The following UST variants were observed in gnomAD, a reference collection of about 807,000 sequenced individuals.
UST encodes the protein chondroitin sulfate 2-O-sulfotransferase.
UST carries 21 observed loss-of-function variants against 45.6 expected under a neutral mutation model. The observed-to-expected ratio is 0.46, with a 90% CI of 0.33 to 0.66. UST has a LOEUF of 0.66. UST is among the 30% of genes least tolerant of loss of function. The pLI is 0.02. For missense variants in UST, 463 were observed against 512.4 expected (o/e 0.90, Z 0.93); for synonymous variants, 215 against 200.6 (o/e 1.07, Z -0.61).
chr6:148,816,711 G>A (rs1449752302), intron 1 of UST, among the ~76,000 whole-genome samples: 1 of 152,176 alleles, frequency 6.6e-6, no homozygotes, highest in African/African-American at 2.4e-5. Context: ...CCAAAGCTGA[G>A]TTTAAATGGC....
intron 1 of UST, among the ~76,000 whole-genome samples, chr6:148,854,307 T>C (rs749144354): frequency 7.9e-5 from 12 of 152,338 alleles, no homozygotes; most frequent in Admixed American, 1.3e-4. Context: ...AATGTGGACA[T>C]GATTCTGAAT....
At chr6:148,754,977 T>G (rs1776067535) in intron 1 of UST, among the ~76,000 whole-genome samples, 1 of 152,228 alleles carries the variant, frequency 6.6e-6, no homozygotes, top group Non-Finnish European at 1.5e-5. Flanking sequence ...GGTATGATAA[T>G]TCATGGATAG....
chr6:148,763,540 T>C (rs555385000), intron 1 of UST, among the ~76,000 whole-genome samples: 1 of 152,290 alleles, frequency 6.6e-6, no homozygotes, highest in East Asian at 1.9e-4. Flanking sequence ...ATTTTTGTTT[T>C]TGTTGCATTG....
chr6:148,907,567 C>T lies in UST; in HGVS notation c.291+20538C>T, dbSNP rs139505056. Among the ~76,000 whole-genome samples, 314 of 152,216 alleles carry T rather than the reference C, an allele frequency of 2.1e-3. 1 individual carries two copies. The highest frequency in any genetic ancestry group is 7.4e-3 in the African/African-American group (308 of 41,536). On this transcript the variant is annotated intron_variant, in intron 2 of 7. Coordinates refer to ENST00000367463, the MANE Select transcript of UST (RefSeq NM_005715.3). ...GATGATTGTAGGAACAATTACTTTA[C>T]AAAAGAGAACCACCTCATTTCAAGG...
At chr6:149,040,941 G>A (rs182745235) in intron 7 of UST, among the ~76,000 whole-genome samples, 26 of 152,288 alleles carry the variant, frequency 1.7e-4, no homozygotes, top group African/African-American at 6.0e-4. Context: ...AATGGATTGC[G>A]TGACATCCTC....
In UST at chr6:148,790,828, T is replaced by C. The variant is rs192904348; in HGVS notation, c.247+43151T>C. Among the ~76,000 whole-genome samples the C allele has an allele frequency of 3.3e-5, 5 of 152,358 alleles. No homozygotes were observed. Among genetic ancestry groups the C allele is most frequent in the Admixed American group, 3.3e-4 (5 of 15,308 alleles). On this transcript the variant is annotated intron_variant, in intron 1 of 7. Coordinates refer to ENST00000367463, the MANE Select transcript of UST (RefSeq NM_005715.3). This position sits in a 1 kb window ranked among gnomAD's most constrained non-coding sequence, Gnocchi z 4.2. Reference sequence around the variant, plus strand: ...TGGGCCATCCCAGTTCCAGAGCTCCTGTGGGACAGGCTGAGCTCCGTTGCA... The same window carrying C: ...TGGGCCATCCCAGTTCCAGAGCTCCCGTGGGACAGGCTGAGCTCCGTTGCA...
intron 1 of UST, among the ~76,000 whole-genome samples, chr6:148,860,863 A>G (rs1045029207): frequency 6.6e-6 from 1 of 152,194 alleles, no homozygotes; most frequent in Non-Finnish European, 1.5e-5. Context: ...ATCATAGTGG[A>G]TAAGCTTTTT....
intron 7 of UST, among the ~76,000 whole-genome samples, chr6:149,034,547 C>T (rs1036987055): frequency 6.6e-6 from 1 of 152,338 alleles, no homozygotes; most frequent in South Asian, 2.1e-4. Context: ...GAGGCCCTCT[C>T]CTCTTTCCAC....
chr6:148,757,950 G>A (rs1776127777), intron 1 of UST, among the ~76,000 whole-genome samples: 1 of 152,332 alleles, frequency 6.6e-6, no homozygotes, highest in East Asian at 1.9e-4. Context: ...CTGAACCTCT[G>A]ATGTTTTGAT....
intron 1 of UST, among the ~76,000 whole-genome samples, chr6:148,835,334 G>T (rs1420172720): frequency 7.2e-5 from 11 of 152,136 alleles, no homozygotes; most frequent in Admixed American, 7.2e-4. Context: ...TTAGATTTTG[G>T]TGTCTGTGGG....
In UST at chr6:148,798,242, G is replaced by A. The variant is rs189728154; in HGVS notation, c.247+50565G>A. Among the ~76,000 whole-genome samples the A allele has an allele frequency of 2.6e-5, 4 of 152,320 alleles. No homozygotes were observed. In the East Asian group the frequency reaches 7.7e-4, roughly 29 times the overall value. ...GACTCAGGGTGAGTCTAACCACACA[G>A]CTCAGCTTTGAGCTTCCCTCAGAGC... On this transcript the variant is annotated intron_variant, in intron 1 of 7. Transcript: ENST00000367463.
intron 7 of UST, among the ~76,000 whole-genome samples, chr6:149,054,710 T>G (rs1776537244): frequency 6.6e-6 from 1 of 152,204 alleles, no homozygotes; most frequent in South Asian, 2.1e-4. Flanking sequence ...GGCAAAAGTG[T>G]GAAACTTTGC....
intron 5 of UST, among the ~76,000 whole-genome samples, chr6:148,978,754 A>G (rs1781072596): frequency 1.3e-5 from 2 of 152,160 alleles, no homozygotes; most frequent in Non-Finnish European, 2.9e-5. Context: ...ACAGGTTGAT[A>G]GTTGCAGCAA....
intron 1 of UST, among the ~76,000 whole-genome samples, chr6:148,882,851 T>C (rs1778848747): frequency 6.6e-6 from 1 of 152,130 alleles, no homozygotes; most frequent in Non-Finnish European, 1.5e-5. Flanking sequence ...TACAATCCAG[T>C]GGCAAAAAAT....
At chr6:149,000,397 TC>T (rs1781524994) in intron 5 of UST, among the ~76,000 whole-genome samples, 2 of 151,166 alleles carry the variant, frequency 1.3e-5, no homozygotes, top group South Asian at 4.2e-4. Flanking sequence ...GACCCGGGAG[TC>T]CGGATGGTAG....
intron 7 of UST, among the ~76,000 whole-genome samples, chr6:149,025,828 T>C (rs1349843448): frequency 6.6e-6 from 1 of 151,608 alleles, no homozygotes; most frequent in African/African-American, 2.4e-5. Flanking sequence ...CTGAGCAACA[T>C]AGCAAAAGCT....
intron 1 of UST, among the ~76,000 whole-genome samples, chr6:148,841,727 GTC>G (rs1168713323): frequency 1.3e-5 from 2 of 152,080 alleles, no homozygotes; most frequent in Non-Finnish European, 2.9e-5. Context: ...GAACAAATAA[GTC>G]TCTGAAGAAT....
intron 7 of UST, among the ~76,000 whole-genome samples, chr6:149,026,417 A>T (rs937427411): frequency 2.6e-5 from 4 of 152,192 alleles, no homozygotes; most frequent in Non-Finnish European, 5.9e-5. Context: ...AAGGGGCAAG[A>T]CTCACATATT....
At chr6:148,829,130 G>A (rs1193148292) in intron 1 of UST, among the ~76,000 whole-genome samples, 1 of 148,358 alleles carries the variant, frequency 6.7e-6, no homozygotes, top group East Asian at 2.0e-4. Flanking sequence ...GACATTTCAA[G>A]TTAAGCCCTG....
Sources: gnomAD v4.1 joint callset for allele counts (sites outside exome capture counted in the v4.1 genomes callset) on GRCh38, gnomAD v4.1.1 for gene constraint, Gnocchi (gnomAD v3.1) non-coding constraint, MANE v1.5 for transcripts, NCBI Gene and HGNC (gene_info 2026-07-23, HGNC 2026-07-21) for gene names.